The following R3HCC1L variants were observed in gnomAD, a reference collection of about 807,000 sequenced individuals.
R3HCC1L encodes coiled-coil domain-containing protein R3HCC1L.
A neutral mutation model predicts 59.9 loss-of-function variants in R3HCC1L; 51 were observed. The observed-to-expected ratio is 0.85, with a 90% CI of 0.68 to 1.07. R3HCC1L has a LOEUF of 1.07. Among genes scored for constraint, R3HCC1L ranks in the 50% least tolerant of loss-of-function variants. R3HCC1L has a pLI of 0.00. For missense variants in R3HCC1L, 965 were observed against 933.0 expected, an observed-to-expected ratio of 1.03 and a Z score of -0.45; for synonymous variants, 322 against 315.2, an observed-to-expected ratio of 1.02 and a Z score of -0.23.
intron 9 of R3HCC1L, among the ~76,000 whole-genome samples, chr10:98,241,308 C>T (rs1488327028): frequency 1.3e-5 from 2 of 152,084 alleles, no homozygotes; most frequent in Non-Finnish European, 2.9e-5. Flanking sequence ...CTTTAATTTA[C>T]ATCCTCTCTC....
At chr10:98,190,816 C>T (rs1472057023) in intron 4 of R3HCC1L, among the ~76,000 whole-genome samples, 1 of 149,794 alleles carries the variant, frequency 6.7e-6, no homozygotes, top group South Asian at 2.2e-4. Flanking sequence ...CCCCCACCCC[C>T]CGACAGGCCC....
intron 7 of R3HCC1L, among the ~76,000 whole-genome samples, chr10:98,235,096 T>G (rs952485683): frequency 1.3e-5 from 2 of 152,118 alleles, no homozygotes; most frequent in African/African-American, 2.4e-5. Flanking sequence ...GAGCATCAGG[T>G]CTCTGTCACT....
chr10:98,161,171 C>G (rs1383789061), intron 2 of R3HCC1L, among the ~76,000 whole-genome samples: 2 of 152,202 alleles, frequency 1.3e-5, no homozygotes, highest in Non-Finnish European at 2.9e-5. Flanking sequence ...AGTTTCCCCA[C>G]AACCTCATCA....
Position 98,236,123 on chromosome 10 carries a change from CCGAA to C in R3HCC1L, c.2232_2235del (p.Arg745LysfsTer44). The C allele has an allele frequency of 6.2e-7, 1 of 1,613,936 alleles. No homozygotes were observed. Among genetic ancestry groups the C allele is most frequent in the Non-Finnish European group, 8.5e-7 (1 of 1,179,914 alleles). On this transcript the variant is annotated frameshift_variant, in exon 9 of 10. Transcript: ENST00000298999. LOFTEE classifies it high-confidence loss of function. ...GGGGTTCGAAGTAAGCAGAGCAAAA[CCGAA>C]CGAGAAGCAGAGCTCAAGAAACTGC...
At chr10:98,225,144 T>C (rs1371920041) in intron 5 of R3HCC1L, among the ~76,000 whole-genome samples, 3 of 152,200 alleles carry the variant, frequency 2.0e-5, no homozygotes, top group African/African-American at 7.2e-5. Flanking sequence ...ATTTTACTTA[T>C]TACATAGCCA....
chr10:98,208,432 T>A lies in R3HCC1L; in HGVS notation c.318T>A (p.Ser106=). 2 of 1,614,098 alleles carry A rather than the reference T, an allele frequency of 1.2e-6. No individual in the cohort carries two copies. Among genetic ancestry groups the A allele is most frequent in the South Asian group, 1.1e-5 (1 of 91,074 alleles). The part of the protein sequence containing the change: ...TCLQKTNRVC[S]KRGTTESKEV... Reference sequence around the variant, plus strand: ...TTCAAAAAACAAATAGAGTTTGTTCTAAGAGAGGAACCACTGAATCCAAAG... The same window carrying A: ...TTCAAAAAACAAATAGAGTTTGTTCAAAGAGAGGAACCACTGAATCCAAAG... Residue 106 remains serine, a synonymous_variant, in exon 5 of 10, where the codon TCT becomes TCA. Coordinates refer to ENST00000298999, the MANE Select transcript of R3HCC1L (RefSeq NM_001351015.2).
chr10:98,198,365 A>G (rs575834312), intron 4 of R3HCC1L, among the ~76,000 whole-genome samples: 22 of 152,212 alleles, frequency 1.4e-4, no homozygotes, highest in African/African-American at 5.3e-4. Flanking sequence ...GGACATATAC[A>G]CTGCTGAATG....
At chr10:98,222,344 C>G (rs544794780) in intron 5 of R3HCC1L, among the ~76,000 whole-genome samples, 89 of 152,038 alleles carry the variant, frequency 5.9e-4, no homozygotes, top group Admixed American at 1.6e-3. Flanking sequence ...ATTTGACTTC[C>G]TCTTTTCCTA....
At chr10:98,172,434 A>G (rs889221310) in intron 4 of R3HCC1L, among the ~76,000 whole-genome samples, 7 of 152,186 alleles carry the variant, frequency 4.6e-5, no homozygotes, top group Non-Finnish European at 8.8e-5. Flanking sequence ...TCTGTTCTAG[A>G]GGTTTACACT....
intron 4 of R3HCC1L, chr10:98,174,714 G>A (rs1443734911): frequency 1.0e-6 from 1 of 984,184 alleles, no homozygotes; most frequent in Non-Finnish European, 1.2e-6. Flanking sequence ...AATGATAGAA[G>A]TATTATTGAA....
chr10:98,243,702 T>C (rs1268254703), intron 9 of R3HCC1L, among the ~76,000 whole-genome samples: 1 of 152,220 alleles, frequency 6.6e-6, no homozygotes, highest in Non-Finnish European at 1.5e-5. Flanking sequence ...ATACATATCC[T>C]TGATACTTAT....
At chr10:98,221,854 C>T (rs907006264) in intron 5 of R3HCC1L, among the ~76,000 whole-genome samples, 4 of 152,092 alleles carry the variant, frequency 2.6e-5, no homozygotes, top group East Asian at 1.9e-4. Flanking sequence ...ATTGACTTGG[C>T]GATTCGGGCT....
intron 5 of R3HCC1L, among the ~76,000 whole-genome samples, chr10:98,210,216 T>C (rs550105438): frequency 5.9e-5 from 9 of 152,324 alleles, no homozygotes; most frequent in Non-Finnish European, 1.0e-4. Flanking sequence ...AGGTATCTTT[T>C]ACATGGGCCT....
At position 98,234,474 on chromosome 10, in the gene R3HCC1L, G is replaced by T; in HGVS notation, c.1990G>T (p.Asp664Tyr). ...QKKGFDIKWVDDTHALGVFSS... is the reference protein window; with the variant it reads ...QKKGFDIKWVYDTHALGVFSS... ...GAAAGGATTTGATATTAAATGGGTGGATGATACACATGCCCTAGGAGTATT... is the reference window on the plus strand; with the variant it reads ...GAAAGGATTTGATATTAAATGGGTGTATGATACACATGCCCTAGGAGTATT... The change falls in exon 7 of 10, where the codon GAT becomes TAT. Residue 664 changes from aspartate (D) to tyrosine (Y), a missense_variant. Physicochemically the swap from Asp to Tyr is radical, Grantham distance 160. Transcript: ENST00000298999. The T allele has an allele frequency of 6.2e-7, 1 of 1,613,442 alleles. No homozygotes were observed. The highest frequency in any genetic ancestry group is 1.3e-5 in the African/African-American group (1 of 75,008).
At chr10:98,193,917 T>C (rs1851126278) in intron 4 of R3HCC1L, among the ~76,000 whole-genome samples, 1 of 152,138 alleles carries the variant, frequency 6.6e-6, no homozygotes, top group Admixed American at 6.5e-5. Context: ...TACTGTCCAG[T>C]CTACAGAGTC....
At chr10:98,165,401 A>G (rs772563676) in intron 4 of R3HCC1L, among the ~76,000 whole-genome samples, 1 of 152,242 alleles carries the variant, frequency 6.6e-6, no homozygotes, top group Non-Finnish European at 1.5e-5. Flanking sequence ...GGTAAGGGTA[A>G]TGGGGATAGG....
intron 1 of R3HCC1L, among the ~76,000 whole-genome samples, chr10:98,138,443 G>T (rs1590362437): frequency 6.6e-6 from 1 of 151,808 alleles, no homozygotes; most frequent in African/African-American, 2.4e-5. Context: ...TGTACTTTCA[G>T]CATTTTGAGA....
At chr10:98,171,240 T>C (rs890198339) in intron 4 of R3HCC1L, among the ~76,000 whole-genome samples, 4 of 152,232 alleles carry the variant, frequency 2.6e-5, no homozygotes, top group Non-Finnish European at 5.9e-5. Context: ...AATTTTGAAT[T>C]CTCAGTATCT....
At chr10:98,198,604 C>T (rs910416032) in intron 4 of R3HCC1L, among the ~76,000 whole-genome samples, 4 of 150,750 alleles carry the variant, frequency 2.7e-5, no homozygotes, top group Non-Finnish European at 4.4e-5. Context: ...TGACTTTTGC[C>T]TCTCAGATTG....
Sources: allele counts gnomAD v4.1 joint callset (sites outside exome capture counted in the v4.1 genomes callset), GRCh38; gene constraint gnomAD v4.1.1; transcripts MANE v1.5; gene names NCBI Gene and HGNC (gene_info 2026-07-23, HGNC 2026-07-21).